Variants in SYT14 observed in about 807,000 individuals in gnomAD.
SYT14 encodes synaptotagmin 14, also known as synaptotagmin-14.
A neutral mutation model predicts 74.2 loss-of-function variants in SYT14; 32 were observed. That is an observed-to-expected ratio of 0.43 (90% CI 0.33 to 0.58). SYT14 has a LOEUF of 0.58. Ranked by LOEUF, SYT14 falls within the 20% of genes least tolerant of loss-of-function variation. The pLI is 0.05. For synonymous variants in SYT14, 298 were observed against 337.7 expected, an observed-to-expected ratio of 0.88 and a Z score of 1.29; for missense variants, 791 against 981.8, an observed-to-expected ratio of 0.81 and a Z score of 2.60.
At chr1:210,146,559 T>C (rs2083039233) in intron 7 of SYT14, among the ~76,000 whole-genome samples, 1 of 151,996 alleles carries the variant, frequency 6.6e-6, no homozygotes, top group African/African-American at 2.4e-5. Context: ...GTCTTTACTA[T>C]TTAGCAACTC....
At chr1:210,079,290 A>G (rs12401574) in intron 5 of SYT14, among the ~76,000 whole-genome samples, 5,100 of 152,202 alleles carry the variant, frequency 0.034, 597 homozygotes, top group Admixed American at 0.23. Context: ...GGTTCAATAG[A>G]AGCCCAAACC....
intron 5 of SYT14, among the ~76,000 whole-genome samples, chr1:210,030,217 C>T (rs1244263597): frequency 2.0e-5 from 3 of 152,092 alleles, no homozygotes; most frequent in African/African-American, 7.2e-5. Flanking sequence ...TCTTGGCTCA[C>T]TGCAGCCTCT....
In SYT14 at chr1:210,114,570, G is replaced by A. The variant is rs904600926; in HGVS notation, c.2034+14109G>A. 1.3e-5 allele frequency among the ~76,000 whole-genome samples: 2 copies of A among 151,364 alleles called. 1 individual carries two copies. Among genetic ancestry groups the A allele is most frequent in the East Asian group, 3.9e-4 (2 of 5,180 alleles). On this transcript the variant is annotated intron_variant, in intron 7 of 9. Coordinates refer to ENST00000637265, the Ensembl canonical transcript of SYT14. ...ACCCTTCAGGGTCTGGGGCTGTAAA[G>A]CATCTAAGGGTTGTTGCCAAACGGG...
intron 2 of SYT14, among the ~76,000 whole-genome samples, chr1:209,974,008 TC>T (rs1341683171): frequency 2.0e-5 from 3 of 152,184 alleles, no homozygotes; most frequent in African/African-American, 7.2e-5. Context: ...ATAAATGTCT[TC>T]TTTTGAGAAG....
chr1:209,968,589 G>T (rs1378365443), intron 2 of SYT14, among the ~76,000 whole-genome samples: 1 of 151,640 alleles, frequency 6.6e-6, no homozygotes, highest in African/African-American at 2.4e-5. Flanking sequence ...ATTTTGTACT[G>T]TCTCCATAGT....
chr1:210,097,081 T>G (rs1388292031), intron 6 of SYT14, among the ~76,000 whole-genome samples: 2 of 152,272 alleles, frequency 1.3e-5, no homozygotes, highest in African/African-American at 4.8e-5. Flanking sequence ...TAGCATTGAA[T>G]GTACTCAAAC....
chr1:210,032,216 G>A (rs1033153968), intron 5 of SYT14, among the ~76,000 whole-genome samples: 1 of 151,908 alleles, frequency 6.6e-6, no homozygotes, highest in African/African-American at 2.4e-5. Flanking sequence ...GTATAGTACC[G>A]ACATAACAGA....
At chr1:210,088,411 C>T (rs2081786537) in intron 5 of SYT14, among the ~76,000 whole-genome samples, 1 of 151,958 alleles carries the variant, frequency 6.6e-6, no homozygotes, top group African/African-American at 2.4e-5. Flanking sequence ...CATATGTTCT[C>T]ATTGTTCAAT....
intron 5 of SYT14, among the ~76,000 whole-genome samples, chr1:210,069,149 T>A (rs1157638521): frequency 2.0e-5 from 3 of 151,872 alleles, no homozygotes; most frequent in Non-Finnish European, 4.4e-5. Context: ...CAATTCAACT[T>A]TTCCTATTTG....
At chr1:210,011,328 A>G (rs1432096099) in intron 2 of SYT14, among the ~76,000 whole-genome samples, 1 of 152,142 alleles carries the variant, frequency 6.6e-6, no homozygotes. Flanking sequence ...TTTATGTCAT[A>G]TACCTTAGCT....
chr1:210,081,338 G>T (rs1246090585), intron 5 of SYT14, among the ~76,000 whole-genome samples: 17 of 152,196 alleles, frequency 1.1e-4, no homozygotes. Context: ...GTATAGTTAA[G>T]GATGTTCAGG....
At chr1:209,989,417 G>A (rs1363114483) in intron 2 of SYT14, among the ~76,000 whole-genome samples, 2 of 152,096 alleles carry the variant, frequency 1.3e-5, no homozygotes, top group African/African-American at 2.4e-5. Context: ...TGAATAAAAA[G>A]TAAAAACAAA....
At chr1:209,984,373 G>T (rs2079537966) in intron 2 of SYT14, among the ~76,000 whole-genome samples, 3 of 152,160 alleles carry the variant, frequency 2.0e-5, no homozygotes, top group Admixed American at 2.0e-4. Context: ...GTCCAACAAG[G>T]TTCCAGAGTT....
intron 2 of SYT14, among the ~76,000 whole-genome samples, chr1:209,961,652 A>C (rs114447222): frequency 6.6e-6 from 1 of 152,134 alleles, no homozygotes; most frequent in Non-Finnish European, 1.5e-5. Flanking sequence ...TGGTATGTAC[A>C]TATTATTATT....
chr1:210,067,365 G>C (rs2081315251), intron 5 of SYT14, among the ~76,000 whole-genome samples: 3 of 151,992 alleles, frequency 2.0e-5, no homozygotes, highest in African/African-American at 7.2e-5. Context: ...AGATTGTGTT[G>C]AATCTGTAGA....
chr1:209,960,211 A>G (rs1300668324), intron 2 of SYT14, among the ~76,000 whole-genome samples: 3 of 152,180 alleles, frequency 2.0e-5, no homozygotes, highest in African/African-American at 7.2e-5. Context: ...TATATACTAA[A>G]TCTATCTTTA....
rs115000450 is a variant in SYT14 at position 210,120,158 on chromosome 1, A to G, written c.2034+19697A>G. ...AAATTACTTTTTTTTTTCTAGTAGG[A>G]AAAGCTAACAGAACTAACAGAAACT... On this transcript the variant is annotated intron_variant, in intron 7 of 9. Transcript: ENST00000637265. 8.4e-3 allele frequency among the ~76,000 whole-genome samples: 1,282 copies of G among 152,134 alleles called. 22 individuals are homozygous for G. The highest frequency in any genetic ancestry group is 0.029 in the African/African-American group (1,216 of 41,446).
chr1:210,109,981 G>A (rs552759124), intron 7 of SYT14, among the ~76,000 whole-genome samples: 1 of 152,244 alleles, frequency 6.6e-6, no homozygotes, highest in Admixed American at 6.5e-5. Context: ...CATGGATGAA[G>A]CTGGAAACCA....
At chr1:210,061,593 A>G (rs2081208917) in intron 5 of SYT14, among the ~76,000 whole-genome samples, 1 of 151,952 alleles carries the variant, frequency 6.6e-6, no homozygotes, top group Admixed American at 6.6e-5. Context: ...TGCTTAACTA[A>G]GAAAACTCAA....
Sources: gnomAD v4.1 joint callset for allele counts (sites outside exome capture counted in the v4.1 genomes callset) on GRCh38, gnomAD v4.1.1 for gene constraint, MANE v1.5 for transcripts, NCBI Gene and HGNC (gene_info 2026-07-23, HGNC 2026-07-21) for gene names.